The following MTMR3 variants were observed in gnomAD, a reference collection of about 807,000 sequenced individuals.
MTMR3 encodes phosphatidylinositol-3,5-bisphosphate 3-phosphatase MTMR3.
In MTMR3, 32 loss-of-function variants were observed where a neutral mutation model predicts 132.4. The observed-to-expected ratio is 0.24, with a 90% CI of 0.18 to 0.32. The LOEUF is 0.32. MTMR3 is among the 10% of genes least tolerant of loss of function. The pLI, the probability that MTMR3 is intolerant of heterozygous loss-of-function variation, is 1.00. For synonymous variants in MTMR3, 556 were observed against 550.3 expected (o/e 1.01, Z -0.14); for missense variants, 1,216 against 1,489.6 (o/e 0.82, Z 3.02).
rs573607137 is a variant in MTMR3, at chr22:30,027,228, T to A, written c.*1427T>A. 1 of 152,814 alleles carries A rather than the reference T, an allele frequency of 6.5e-6. No individual in the cohort carries two copies. Among genetic ancestry groups the A allele is most frequent in the African/African-American group, 2.4e-5 (1 of 41,524 alleles). The allele number at this position is 152,814 out of a possible 1,614,324, so 9.5% of individuals were successfully genotyped here. ...TGAAAGCTGCTAACTGGTGACAGGG[T>A]GGATCATGGTGAGGACTAGGGGTAA... On this transcript the variant is annotated 3_prime_UTR_variant, in exon 20 of 20. Coordinates refer to ENST00000401950, the MANE Select transcript of MTMR3 (RefSeq NM_021090.4).
intron 18 of MTMR3, chr22:30,022,388 C>T: frequency 1.6e-6 from 1 of 611,374 alleles, no homozygotes; most frequent in Non-Finnish European, 2.9e-6. Flanking sequence ...TCACAGTGAC[C>T]CAGGGTGCTG....
chr22:30,023,829 G>T, intron 19 of MTMR3: 3 of 289,304 alleles, frequency 1.0e-5, no homozygotes, highest in Admixed American at 5.0e-5. Flanking sequence ...CCAGAATAAT[G>T]CTAGTAATTT....
At chr22:29,938,903 C>T (rs2065802477) in intron 1 of MTMR3, among the ~76,000 whole-genome samples, 1 of 151,960 alleles carries the variant, frequency 6.6e-6, no homozygotes, top group Non-Finnish European at 1.5e-5. Flanking sequence ...CTCACTACAA[C>T]CTCCACCTCC....
chr22:29,991,258 T>G, intron 6 of MTMR3: 3 of 300,092 alleles, frequency 1.0e-5, no homozygotes, highest in Non-Finnish European at 1.8e-5. Context: ...TAGAAGAGAT[T>G]TCATTAGTCT....
intron 1 of MTMR3, among the ~76,000 whole-genome samples, chr22:29,909,679 C>T (rs2065169483): frequency 6.6e-6 from 1 of 152,140 alleles, no homozygotes; most frequent in Non-Finnish European, 1.5e-5. Flanking sequence ...TTAATTGTAA[C>T]TCTTCATTTT....
At chr22:29,920,404 A>G (rs1188803884) in intron 1 of MTMR3, among the ~76,000 whole-genome samples, 3 of 152,180 alleles carry the variant, frequency 2.0e-5, no homozygotes, top group South Asian at 4.1e-4. Context: ...TTGCTGGAGT[A>G]TGTAAAACTA....
chr22:29,972,829 C>T (rs745434588), intron 3 of MTMR3, among the ~76,000 whole-genome samples: 3 of 152,204 alleles, frequency 2.0e-5, no homozygotes, highest in Non-Finnish European at 2.9e-5. Flanking sequence ...CCTCAGTCTC[C>T]CAAAGTGCTG....
intron 1 of MTMR3, among the ~76,000 whole-genome samples, chr22:29,899,340 A>C (rs747272452): frequency 4.6e-5 from 7 of 152,200 alleles, no homozygotes; most frequent in Non-Finnish European, 1.0e-4. Context: ...GACGTGAGCC[A>C]TTGTGCCCAG....
chr22:29,967,704 C>A (rs2066455826), intron 2 of MTMR3, among the ~76,000 whole-genome samples: 1 of 152,020 alleles, frequency 6.6e-6, no homozygotes, highest in South Asian at 2.1e-4. Flanking sequence ...AGCAGTCACT[C>A]CCTATTCTTC....
intron 2 of MTMR3, among the ~76,000 whole-genome samples, chr22:29,967,998 TG>T (rs1879867368): frequency 6.6e-6 from 1 of 152,138 alleles, no homozygotes; most frequent in African/African-American, 2.4e-5. Context: ...CATTGATTGA[TG>T]CATATTTGGG....
chr22:29,893,219 G>A (rs529527514), intron 1 of MTMR3, among the ~76,000 whole-genome samples: 2 of 152,282 alleles, frequency 1.3e-5, no homozygotes, highest in African/African-American at 4.8e-5. Flanking sequence ...TATGTGCACA[G>A]AAAATATTTT....
chr22:29,994,242 A>G, intron 7 of MTMR3: 19 of 612,186 alleles, frequency 3.1e-5, no homozygotes, highest in Non-Finnish European at 3.9e-5. Flanking sequence ...CAGTATACAC[A>G]GTCCACATTG....
intron 1 of MTMR3, among the ~76,000 whole-genome samples, chr22:29,919,758 G>A (rs1203042744): frequency 1.3e-5 from 2 of 152,036 alleles, no homozygotes; most frequent in Admixed American, 6.6e-5. Context: ...GAACTCCTGA[G>A]CTCAAGCAGT....
intron 1 of MTMR3, among the ~76,000 whole-genome samples, chr22:29,885,134 T>C (rs2064646363): frequency 6.6e-6 from 1 of 152,136 alleles, no homozygotes; most frequent in South Asian, 2.1e-4. Context: ...ATTAGAAATA[T>C]TATGGACTAC....
At chr22:29,938,469 C>T (rs1253254004) in intron 1 of MTMR3, among the ~76,000 whole-genome samples, 2 of 152,250 alleles carry the variant, frequency 1.3e-5, no homozygotes, top group East Asian at 1.9e-4. Flanking sequence ...TTGGGGACTT[C>T]CCCCAGCCCG....
chr22:30,006,342 A>G (rs922910977), intron 9 of MTMR3: 1 of 152,164 alleles, frequency 6.6e-6, no homozygotes, highest in East Asian at 1.9e-4. Flanking sequence ...CTATCTGCCT[A>G]TTATAAGAGC....
intron 1 of MTMR3, among the ~76,000 whole-genome samples, chr22:29,932,933 C>A (rs1217994366): frequency 6.6e-6 from 1 of 152,000 alleles, no homozygotes; most frequent in Non-Finnish European, 1.5e-5. Flanking sequence ...CCCTTTGCCT[C>A]TAAATACTTG....
intron 7 of MTMR3, chr22:29,994,517 AC>A (rs1481959873): frequency 6.6e-6 from 1 of 152,186 alleles, no homozygotes; most frequent in African/African-American, 2.4e-5. Context: ...ATACCAGACA[AC>A]CACATACTTA....
intron 3 of MTMR3, among the ~76,000 whole-genome samples, chr22:29,975,375 AAC>A (rs1423210772): frequency 1.3e-5 from 2 of 152,204 alleles, no homozygotes; most frequent in East Asian, 3.8e-4. Context: ...TTTTAGTGTT[AAC>A]ATTTTTGCAA....
Sources: allele counts gnomAD v4.1 joint callset (sites outside exome capture counted in the v4.1 genomes callset), GRCh38; gene constraint gnomAD v4.1.1; transcripts MANE v1.5; gene names NCBI Gene and HGNC (gene_info 2026-07-23, HGNC 2026-07-21).